Variants in PCDHGA3 observed in about 807,000 individuals in gnomAD.
PCDHGA3 encodes protocadherin gamma-A3.
PCDHGA3 carries 40 observed loss-of-function variants against 58.5 expected under a neutral mutation model. That is an observed-to-expected ratio of 0.68 (90% confidence interval 0.53 to 0.89). PCDHGA3 has a LOEUF of 0.89. Among genes scored for constraint, PCDHGA3 ranks in the 40% least tolerant of loss-of-function variants. The probability of loss-of-function intolerance (pLI) is 0.00; values close to 1 mark genes in which losing one functional copy is unlikely to be tolerated. For missense variants in PCDHGA3, 1,223 were observed against 1,195.9 expected, an observed-to-expected ratio of 1.02 and a Z score of -0.33; for synonymous variants, 530 against 525.7, an observed-to-expected ratio of 1.01 and a Z score of -0.11.
At chr5:141,398,916 A>G (rs2150766485) in intron 1 of PCDHGA3, 1 of 1,614,022 alleles carries the variant, frequency 6.2e-7, no homozygotes, top group Non-Finnish European at 8.5e-7. Context: ...CTGTGTTGCA[A>G]GTGTCAGCCA....
rs3749774 is a variant in PCDHGA3 at position 141,345,770 on chromosome 5, T to G, written c.1737T>G (p.Pro579=). ...GTTCCACTGGCGTGGAGCTGGCGCC[T>G]CGCTCCGCAGAGCCCGGCTACCTGG... ...TDGSTGVELA[P]RSAEPGYLVT... Residue 579 remains proline (P), a synonymous_variant, in exon 1 of 4, where the codon CCT becomes CCG. Coordinates refer to ENST00000253812, the MANE Select transcript of PCDHGA3 (RefSeq NM_018916.4). The G allele has an allele frequency of 2.5e-6, 4 of 1,613,776 alleles. No individual in the cohort carries two copies. Among genetic ancestry groups the G allele is most frequent in the Admixed American group, 3.3e-5 (2 of 59,964 alleles).
In PCDHGA3 at chr5:141,476,886, C is replaced by T; in HGVS notation, c.2425-17921C>T. ...TACCGGGCGCGCGTCCTGGAGGATG[C>T]ACCCTCCGGCACGCGCGTGGTACAA... On this transcript the variant is annotated intron_variant, in intron 1 of 3. Transcript: ENST00000253812. This position sits in a 1 kb window ranked among gnomAD's most constrained non-coding sequence, Gnocchi z 7.6. The T allele has an allele frequency of 9.9e-6, 16 of 1,613,924 alleles. No individual in the cohort carries two copies. Among genetic ancestry groups the T allele is most frequent in the Non-Finnish European group, 1.4e-5 (16 of 1,180,032 alleles).
intron 1 of PCDHGA3, chr5:141,394,570 A>G: frequency 6.2e-7 from 1 of 1,613,768 alleles, no homozygotes; most frequent in Non-Finnish European, 8.5e-7. Flanking sequence ...GAGCGTGGCT[A>G]CCTGGTGACC....
rs561824381 is a variant in PCDHGA3 at position 141,449,084 on chromosome 5, C to T, written c.2425-45723C>T. Among the ~76,000 whole-genome samples, 8 of 152,250 alleles carry T rather than the reference C, an allele frequency of 5.3e-5. No individual in the cohort carries two copies. In the East Asian group the frequency reaches 1.4e-3, roughly 26 times the overall value. The stretch of plus-strand genomic sequence containing the variant: ...CTATTGAATAGCCCTGTACCTACAT[C>T]AGTTTTTACATATGCAGTATATCTT... On this transcript the variant is annotated intron_variant, in intron 1 of 3. Transcript: ENST00000253812.
rs1442619702 is a variant in PCDHGA3, at chr5:141,345,123, A to G, written c.1090A>G (p.Arg364Gly). ...SSVPEEGTVG[R>G]EIALIDVHDR... is the part of the protein sequence containing the mutation. ...AGTCCCAGAAGAGGGCACCGTTGGA[A>G]GAGAAATTGCTCTTATCGACGTGCA... is the stretch of plus-strand genomic sequence containing the variant. The change falls in exon 1 of 4, where the codon AGA (arginine) becomes GGA (glycine). Residue 364 changes from arginine to glycine, a missense_variant. By Grantham distance (125) the Arg-to-Gly change is moderately radical. Around this residue, in one of 3 missense-constraint regions of PCDHGA3, gnomAD observed 791 missense variants for 708.5 expected, o/e 1.12. Coordinates refer to ENST00000253812, the MANE Select transcript of PCDHGA3 (RefSeq NM_018916.4). The G allele has an allele frequency of 3.1e-6, 5 of 1,613,898 alleles. No homozygotes were observed. The East Asian group carries it at 1.1e-4, about 36-fold the overall frequency.
rs1313821730 is a variant in PCDHGA3 at position 141,344,141 on chromosome 5, T to G, written c.108T>G (p.Ser36=). The change falls in exon 1 of 4, where the codon TCT becomes TCG. Residue 36 remains serine (S), a synonymous_variant. Transcript: ENST00000253812. ...TGSGQIRYSV[S]EELDKGSFVG... ...CCGGTCAGATCCGCTACTCGGTGTC[T>G]GAGGAGCTAGATAAAGGTTCCTTCG... 2 of 1,614,024 alleles carry G rather than the reference T, an allele frequency of 1.2e-6. No homozygotes were observed. The highest frequency in any genetic ancestry group is 1.7e-6 in the Non-Finnish European group (2 of 1,179,874).
rs1330463387 is a variant in PCDHGA3, at chr5:141,393,177, G to C, written c.2424+46720G>C. ...AGGAAAACTCTTTGGGGTAGAAATA[G>C]AAATAATTGATATTAACGATAATAA... On this transcript the variant is annotated intron_variant, in intron 1 of 3. Transcript: ENST00000253812. The C allele has an allele frequency of 1.2e-6, 2 of 1,613,174 alleles. No individual in the cohort carries two copies. Among genetic ancestry groups the C allele is most frequent in the Non-Finnish European group, 1.7e-6 (2 of 1,179,896 alleles).
At chr5:141,444,788 G>T (rs775248284) in intron 1 of PCDHGA3, among the ~76,000 whole-genome samples, 59 of 151,920 alleles carry the variant, frequency 3.9e-4, no homozygotes, top group Non-Finnish European at 5.7e-4. Context: ...TGTTTCATTT[G>T]TCTATTCTTT....
rs1212381177 is a variant in PCDHGA3 at position 141,438,571 on chromosome 5, TATACATAC to T, written c.2425-56220_2425-56213del. On this transcript the variant is annotated intron_variant, in intron 1 of 3. Coordinates refer to ENST00000253812, the MANE Select transcript of PCDHGA3 (RefSeq NM_018916.4). Reference sequence around the variant, plus strand: ...GCCCTAATAAGAGGCAGCTGTCTGATATACATACATACATACATACATATATATATATA... The same window carrying T: ...GCCCTAATAAGAGGCAGCTGTCTGATATACATACATACATATATATATATA... Among the ~76,000 whole-genome samples the T allele has an allele frequency of 2.8e-4, 26 of 94,536 alleles. 1 individual carries two copies. Among genetic ancestry groups the T allele is most frequent in the South Asian group, 1.0e-3 (3 of 2,950 alleles). 62.0% of individuals were successfully genotyped at this position (94,536 alleles called of 152,430 possible). A position where few individuals can be genotyped will look rare whatever the true frequency, so the allele number is the denominator to read the frequency against.
rs202065305 is a variant in PCDHGA3 at position 141,410,175 on chromosome 5, C to A, written c.2424+63718C>A. 1.1e-5 allele frequency: 17 copies of A among 1,613,752 alleles called. No homozygotes were observed. In the African/African-American group the frequency reaches 2.1e-4, roughly 20 times the overall value. ...GGACAGCCGCCACTCTCTGCCACCG[C>A]CACGCTTCATCTGGTCTTCGCAGAC... On this transcript the variant is annotated intron_variant, in intron 1 of 3. Transcript: ENST00000253812.
chr5:141,392,683 G>A, intron 1 of PCDHGA3: 1 of 1,058,682 alleles, frequency 9.4e-7, no homozygotes. Context: ...GGACTGCAGC[G>A]AAACCCGACC....
chr5:141,393,453 G>A lies in PCDHGA3; in HGVS notation c.2424+46996G>A, dbSNP rs373805221. On this transcript the variant is annotated intron_variant, in intron 1 of 3. Coordinates refer to ENST00000253812, the MANE Select transcript of PCDHGA3 (RefSeq NM_018916.4). ...GGCTGCTCACCACCTGGTCCTCACGGCCTCGGATGGCGGCAAGCCGCCTCG... is the reference window on the plus strand; with the variant it reads ...GGCTGCTCACCACCTGGTCCTCACGACCTCGGATGGCGGCAAGCCGCCTCG... 113 of 1,613,920 alleles carry A rather than the reference G, an allele frequency of 7.0e-5. 1 individual carries two copies. The highest frequency in any genetic ancestry group is 8.9e-5 in the Non-Finnish European group (105 of 1,179,908).
rs138641753 is a variant in PCDHGA3, at chr5:141,430,814, C to T, written c.2425-63993C>T. On this transcript the variant is annotated intron_variant, in intron 1 of 3. Transcript: ENST00000253812. ...CAAAGGGCTTGTCCTGCTGGGAATC[C>T]TCCTGGGGACTCTGTGGGAGACCGG... is the stretch of plus-strand genomic sequence containing the variant. 97 of 1,534,514 alleles carry T rather than the reference C, an allele frequency of 6.3e-5. No homozygotes were observed. The African/African-American group carries it at 1.1e-3, about 17-fold the overall frequency.
At chr5:141,351,202 T>A in intron 1 of PCDHGA3, 1 of 1,613,948 alleles carries the variant, frequency 6.2e-7, no homozygotes, top group Non-Finnish European at 8.5e-7. Flanking sequence ...ATGTGTTGAG[T>A]GTGGAAGCTA....
intron 1 of PCDHGA3, among the ~76,000 whole-genome samples, chr5:141,464,549 C>T (rs2099086404): frequency 6.6e-6 from 1 of 152,014 alleles, no homozygotes; most frequent in Non-Finnish European, 1.5e-5. Flanking sequence ...TAGCTATTCC[C>T]CATCTTGCAT....
chr5:141,489,073 C>A lies in PCDHGA3; in HGVS notation c.2425-5734C>A, dbSNP rs2099681983. 3.2e-6 allele frequency: 1 copy of A among 315,630 alleles called. No individual in the cohort carries two copies. The highest frequency in any genetic ancestry group is 5.7e-6 in the Non-Finnish European group (1 of 173,976). 19.6% of individuals were successfully genotyped at this position (315,630 alleles called of 1,614,324 possible). A position where few individuals can be genotyped will look rare whatever the true frequency, so the allele number is the denominator to read the frequency against. ...ATTCAGCTCCCCTCCCCCCTGCCCA[C>A]CCCCGCCACTCGGTGACTAAGAACT... On this transcript the variant is annotated intron_variant, in intron 1 of 3. Coordinates refer to ENST00000253812, the MANE Select transcript of PCDHGA3 (RefSeq NM_018916.4). The surrounding 1 kb of genome is among the most constrained non-coding windows in gnomAD (Gnocchi z 4.5).
intron 1 of PCDHGA3, 169 bp downstream of exon 1, chr5:141,346,626 G>A (rs558060887): frequency 4.7e-5 from 48 of 1,022,914 alleles, no homozygotes; most frequent in African/African-American, 3.9e-4. Context: ...TGCACTCCCC[G>A]GTCTGGTTAT....
intron 1 of PCDHGA3, chr5:141,357,866 TA>T (rs2149798839): frequency 1.7e-6 from 1 of 577,984 alleles, no homozygotes; most frequent in East Asian, 3.2e-5. Context: ...TTTCTAATTT[TA>T]CAACTCTGAG....
rs369691483 is a variant in PCDHGA3 at position 141,383,272 on chromosome 5, G to A, written c.2424+36815G>A. 65 of 1,613,802 alleles carry A rather than the reference G, an allele frequency of 4.0e-5. No homozygotes were observed. Among genetic ancestry groups the A allele is most frequent in the Non-Finnish European group, 5.3e-5 (62 of 1,179,884 alleles). On this transcript the variant is annotated intron_variant, in intron 1 of 3. Transcript: ENST00000253812. The stretch of plus-strand genomic sequence containing the variant: ...TTACCCTATAGACGTGGAAATAATA[G>A]ATATTAATGACAACGTTCCAAGATT...
Sources: allele counts gnomAD v4.1 joint callset (sites outside exome capture counted in the v4.1 genomes callset), GRCh38; gene constraint gnomAD v4.1.1; regional missense constraint gnomAD v4.1.1; non-coding constraint Gnocchi (gnomAD v3.1); transcripts MANE v1.5; gene names NCBI Gene and HGNC (gene_info 2026-07-23, HGNC 2026-07-21).